The following SYCP1 variants were observed in gnomAD, a reference collection of about 807,000 sequenced individuals.
The protein encoded by SYCP1 is synaptonemal complex protein 1.
Under a neutral mutation model 153.1 loss-of-function variants are expected in SYCP1, and 64 were observed. That is an observed-to-expected ratio of 0.42 (90% confidence interval 0.34 to 0.51). The LOEUF is 0.51. Ranked by LOEUF, SYCP1 falls within the 20% of genes least tolerant of loss-of-function variation. The probability of loss-of-function intolerance (pLI) is 0.06; values close to 1 mark genes in which losing one functional copy is unlikely to be tolerated. For synonymous variants in SYCP1, 384 were observed against 341.8 expected (o/e 1.12, Z -1.36); for missense variants, 997 against 1,049.0 (o/e 0.95, Z 0.68).
At chr1:114,987,195 A>C (rs1381145293) in intron 30 of SYCP1, among the ~76,000 whole-genome samples, 1 of 152,046 alleles carries the variant, frequency 6.6e-6, no homozygotes, top group East Asian at 1.9e-4. Flanking sequence ...ATGTTTAAGC[A>C]AAGAGGCTTA....
At chr1:114,873,327 T>A (rs76593056) in intron 8 of SYCP1, among the ~76,000 whole-genome samples, 16 of 152,188 alleles carry the variant, frequency 1.1e-4, no homozygotes, top group African/African-American at 3.6e-4. Flanking sequence ...CTCAGTTTTT[T>A]AGCAAATTTT....
intron 16 of SYCP1, among the ~76,000 whole-genome samples, chr1:114,901,396 C>T (rs1300756779): frequency 6.6e-6 from 1 of 152,166 alleles, no homozygotes; most frequent in East Asian, 1.9e-4. Flanking sequence ...CATTATTAGC[C>T]AACTTTAGTT....
At chr1:114,863,426 G>A (rs571743137) in intron 8 of SYCP1, among the ~76,000 whole-genome samples, 93 of 152,238 alleles carry the variant, frequency 6.1e-4, no homozygotes, top group African/African-American at 1.9e-3. Context: ...GATGGCACGC[G>A]CCTGTAGTCC....
At chr1:114,924,068 TG>T (rs1458368593) in intron 21 of SYCP1, among the ~76,000 whole-genome samples, 2 of 152,234 alleles carry the variant, frequency 1.3e-5, no homozygotes, top group Non-Finnish European at 2.9e-5. Context: ...CCACCTACTA[TG>T]TGCCAGGCAC....
rs17032964 is a variant in SYCP1 at position 114,910,352 on chromosome 1, A to G, written c.1321-45A>G. On this transcript the variant is annotated intron_variant, in intron 16 of 31. Coordinates refer to ENST00000369522, the MANE Select transcript of SYCP1 (RefSeq NM_003176.4). ...TTTGGGCAGTTTGATTACTTTCACT[A>G]TGTGTATGGTTTGGCATTCCTGATT... The G allele has an allele frequency of 7.1e-3, 9,382 of 1,326,022 alleles. 511 individuals carry two copies. In the African/African-American group the frequency reaches 0.12, roughly 17 times the overall value. 82.1% of individuals were successfully genotyped at this position (1,326,022 alleles called of 1,614,324 possible). A position where few individuals can be genotyped will look rare whatever the true frequency, so the allele number is the denominator to read the frequency against.
chr1:114,970,232 T>C (rs1405863751), intron 27 of SYCP1, among the ~76,000 whole-genome samples: 1 of 152,250 alleles, frequency 6.6e-6, no homozygotes, highest in Non-Finnish European at 1.5e-5. Flanking sequence ...ATTTTGCATT[T>C]CTGTAAGCAT....
intron 12 of SYCP1, among the ~76,000 whole-genome samples, chr1:114,881,056 T>TATACACACACAC (rs375436670): frequency 1.8e-3 from 256 of 145,042 alleles, no homozygotes; most frequent in African/African-American, 4.4e-3. Context: ...TTTGTGTATA[T>TATACACACACAC]ACACACACAC....
At chr1:114,951,549 G>A (rs1162711818) in intron 27 of SYCP1, among the ~76,000 whole-genome samples, 1 of 152,146 alleles carries the variant, frequency 6.6e-6, no homozygotes. Flanking sequence ...GAAGAGGGAG[G>A]AAAGTTGTAG....
At chr1:114,901,862 A>G (rs927107738) in intron 16 of SYCP1, among the ~76,000 whole-genome samples, 2 of 152,234 alleles carry the variant, frequency 1.3e-5, no homozygotes, top group African/African-American at 4.8e-5. Flanking sequence ...AGGTAGAGAA[A>G]AGGATGAGAC....
At chr1:114,951,977 A>G (rs915897260) in intron 27 of SYCP1, among the ~76,000 whole-genome samples, 1 of 152,168 alleles carries the variant, frequency 6.6e-6, no homozygotes, top group Non-Finnish European at 1.5e-5. Context: ...TGGAAAGCAG[A>G]TAGAAAAATG....
chr1:114,867,348 T>C (rs1057103243), intron 8 of SYCP1, among the ~76,000 whole-genome samples: 4 of 152,122 alleles, frequency 2.6e-5, no homozygotes, highest in Admixed American at 2.6e-4. Flanking sequence ...TTGGGAAGGA[T>C]TGACATCTTG....
chr1:114,940,670 A>G (rs1439499103), intron 23 of SYCP1, among the ~76,000 whole-genome samples: 1 of 152,130 alleles, frequency 6.6e-6, no homozygotes, highest in Non-Finnish European at 1.5e-5. Flanking sequence ...ATTTATTGAT[A>G]TTTGCCTGAT....
At chr1:114,865,064 G>A (rs1664645918) in intron 8 of SYCP1, among the ~76,000 whole-genome samples, 1 of 152,066 alleles carries the variant, frequency 6.6e-6, no homozygotes, top group Non-Finnish European at 1.5e-5. Flanking sequence ...TACTGGTTGA[G>A]TATTAGCTAG....
chr1:114,980,339 G>C (rs1209278290), intron 28 of SYCP1, among the ~76,000 whole-genome samples: 1 of 151,858 alleles, frequency 6.6e-6, no homozygotes, highest in Non-Finnish European at 1.5e-5. Context: ...AGAAAGTTAG[G>C]TCAGGTGCTA....
In SYCP1 at chr1:114,981,223, T is replaced by C; in HGVS notation, c.2383-113T>C. The C allele has an allele frequency of 5.2e-6, 4 of 765,314 alleles. No individual in the cohort carries two copies. The African/African-American group carries it at 7.3e-5, about 14-fold the overall frequency. 47.4% of individuals were successfully genotyped at this position (765,314 alleles called of 1,614,324 possible). A position where few individuals can be genotyped will look rare whatever the true frequency, so the allele number is the denominator to read the frequency against. On this transcript the variant is annotated intron_variant, in intron 28 of 31. Coordinates refer to ENST00000369522, the MANE Select transcript of SYCP1 (RefSeq NM_003176.4). Reference sequence around the variant, plus strand: ...ATCTAGTCAGTGATAAATTTAGGGATAAATTTGCTTATTTTGTTGTGAATT... The same window carrying C: ...ATCTAGTCAGTGATAAATTTAGGGACAAATTTGCTTATTTTGTTGTGAATT...
chr1:114,978,678 A>G (rs1672951983), intron 28 of SYCP1, among the ~76,000 whole-genome samples: 1 of 151,700 alleles, frequency 6.6e-6, no homozygotes, highest in African/African-American at 2.4e-5. Context: ...AATGACACTC[A>G]GAGTAGTTTG....
intron 2 of SYCP1, 43 bp from the exon 3 acceptor site, chr1:114,856,530 G>A: frequency 7.3e-7 from 1 of 1,371,806 alleles, no homozygotes; most frequent in South Asian, 1.2e-5. Context: ...GTATATCAGA[G>A]TGGTATGAAA....
chr1:114,911,430 G>A (rs1248710703), intron 17 of SYCP1, 49 bp from the exon 18 acceptor site: 8 of 1,427,840 alleles, frequency 5.6e-6, no homozygotes, highest in Non-Finnish European at 7.5e-6. Flanking sequence ...CCTTTTAAAT[G>A]AGAAAATTCG....
At position 114,913,294 on chromosome 1, in the gene SYCP1, G is replaced by T. The variant is rs910353840; in HGVS notation, c.1647+144G>T. On this transcript the variant is annotated intron_variant, in intron 19 of 31. Transcript: ENST00000369522. ...TTTTAGCAGAAAAATATGCATATTGGTCTTATAGGGTGGTAATAGGCAACA... is the reference window on the plus strand; with the variant it reads ...TTTTAGCAGAAAAATATGCATATTGTTCTTATAGGGTGGTAATAGGCAACA... The T allele has an allele frequency of 6.0e-5, 36 of 599,584 alleles. No individual in the cohort carries two copies. In the East Asian group the frequency reaches 1.1e-3, roughly 19 times the overall value. The allele number at this position is 599,584 out of a possible 1,614,324, so 37.1% of individuals were successfully genotyped here.
Sources: gnomAD v4.1 joint callset for allele counts (sites outside exome capture counted in the v4.1 genomes callset) on GRCh38, gnomAD v4.1.1 for gene constraint, MANE v1.5 for transcripts, NCBI Gene and HGNC (gene_info 2026-07-23, HGNC 2026-07-21) for gene names.